The following THSD7B variants were observed in gnomAD, a reference collection of about 807,000 sequenced individuals.
THSD7B encodes thrombospondin type 1 domain containing 7B, also known as thrombospondin type-1 domain-containing protein 7B.
THSD7B carries 138 observed loss-of-function variants against 213.6 expected under a neutral mutation model. That is an observed-to-expected ratio of 0.65 (90% CI 0.56 to 0.74). THSD7B has a LOEUF of 0.74. Ranked by LOEUF, THSD7B falls within the 30% of genes least tolerant of loss-of-function variation. THSD7B has a pLI of 0.00. For synonymous variants in THSD7B, 742 were observed against 687.0 expected (o/e 1.08, Z -1.25); for missense variants, 1,931 against 1,991.5 (o/e 0.97, Z 0.58).
At chr2:137,062,975 C>T (rs1687304828) in intron 3 of THSD7B, among the ~76,000 whole-genome samples, 1 of 151,794 alleles carries the variant, frequency 6.6e-6, no homozygotes, top group African/African-American at 2.4e-5. Context: ...TAGATTTTGA[C>T]ACTCTGTTGT....
At chr2:137,625,619 T>C (rs1682610706) in intron 20 of THSD7B, among the ~76,000 whole-genome samples, 2 of 152,220 alleles carry the variant, frequency 1.3e-5, no homozygotes, top group South Asian at 2.1e-4. Context: ...GTGCAAGAGA[T>C]GGGCTCCCAA....
intron 15 of THSD7B, among the ~76,000 whole-genome samples, chr2:137,476,545 A>G (rs1688196673): frequency 6.6e-6 from 1 of 152,114 alleles, no homozygotes; most frequent in Non-Finnish European, 1.5e-5. Context: ...ATGGATGTCC[A>G]GTTTTCCCAG....
intron 15 of THSD7B, among the ~76,000 whole-genome samples, chr2:137,528,862 C>T (rs1219696333): frequency 1.3e-5 from 2 of 152,088 alleles, no homozygotes; most frequent in East Asian, 3.9e-4. Context: ...AGAGAACACA[C>T]TGATTGGCAT....
chr2:137,559,730 A>G (rs1034717498), intron 15 of THSD7B, among the ~76,000 whole-genome samples: 20 of 152,234 alleles, frequency 1.3e-4, no homozygotes, highest in Non-Finnish European at 2.8e-4. Context: ...TAATTACACT[A>G]AAGAGCTTCT....
At chr2:137,641,279 A>G (rs1051397932) in intron 20 of THSD7B, among the ~76,000 whole-genome samples, 2 of 152,060 alleles carry the variant, frequency 1.3e-5, no homozygotes, top group African/African-American at 4.8e-5. Flanking sequence ...GCACCTCACC[A>G]TCTCTTCACG....
intron 2 of THSD7B, among the ~76,000 whole-genome samples, chr2:137,039,700 C>T (rs1052076563): frequency 9.2e-5 from 14 of 152,194 alleles, no homozygotes; most frequent in Non-Finnish European, 5.9e-5. Context: ...AAACAGTGTC[C>T]TGCTGAAGGT....
Position 137,272,596 on chromosome 2 carries a change from A to G in THSD7B, c.2330A>G (p.Gln777Arg). ...ATCCAAGAAGCAGCCAATGGAGGCC[A>G]GGAATGCCCAGATACCTTATATGAG... ...IIIQEAANGG[Q>R]ECPDTLYEER... Residue 777 changes from glutamine (Q) to arginine (R), a missense_variant, in exon 11 of 28, where the codon CAG becomes CGG. Coordinates refer to ENST00000409968, the MANE Select transcript of THSD7B (RefSeq NM_001316349.2). The G allele has an allele frequency of 6.2e-7, 1 of 1,612,340 alleles. No individual in the cohort carries two copies. The highest frequency in any genetic ancestry group is 1.7e-4 in the Middle Eastern group (1 of 6,052).
intron 1 of THSD7B, among the ~76,000 whole-genome samples, chr2:136,877,688 C>T (rs1201546035): frequency 1.3e-5 from 2 of 152,010 alleles, no homozygotes; most frequent in Non-Finnish European, 1.5e-5. Context: ...AGGAATGCCA[C>T]GAGACTCCAC....
In THSD7B at chr2:137,618,459, C is replaced by T; in HGVS notation, c.3633C>T (p.Ser1211=). The T allele has an allele frequency of 5.0e-6, 8 of 1,613,884 alleles. 1 individual carries two copies. The South Asian group carries it at 6.6e-5, about 13-fold the overall frequency. The change falls in exon 19 of 28, where the codon AGC becomes AGT. Residue 1211 remains serine, a synonymous_variant. Coordinates refer to ENST00000409968, the MANE Select transcript of THSD7B (RefSeq NM_001316349.2). Reference sequence around the variant, plus strand: ...AAGGCGTCAGGACCCGCCTGCTAAGCTGTGTGTGCAGTGATGGCAAGCCAG... The same window carrying T: ...AAGGCGTCAGGACCCGCCTGCTAAGTTGTGTGTGCAGTGATGGCAAGCCAG... The part of the protein sequence containing the change: ...CGQGVRTRLL[S]CVCSDGKPVS...
chr2:137,443,704 G>T (rs1687468554), intron 14 of THSD7B, among the ~76,000 whole-genome samples: 1 of 151,934 alleles, frequency 6.6e-6, no homozygotes, highest in African/African-American at 2.4e-5. Context: ...CTTTTCCTAG[G>T]TGATCTTGAA....
At chr2:137,629,084 C>T (rs1682691469) in intron 20 of THSD7B, among the ~76,000 whole-genome samples, 2 of 152,106 alleles carry the variant, frequency 1.3e-5, no homozygotes, top group South Asian at 4.1e-4. Context: ...GTTATTGGCA[C>T]ACTGAAAGAA....
chr2:137,192,839 G>A (rs777473127), intron 7 of THSD7B, among the ~76,000 whole-genome samples: 39 of 152,216 alleles, frequency 2.6e-4, no homozygotes, highest in Non-Finnish European at 4.1e-4. Context: ...GGAAAACCTG[G>A]AACAAAGGAT....
Position 136,768,609 on chromosome 2 carries a change from C to A in THSD7B, c.-36+2922C>A, listed in dbSNP as rs551586176. Among the ~76,000 whole-genome samples, 13 of 152,170 alleles carry A rather than the reference C, an allele frequency of 8.5e-5. No homozygotes were observed. The East Asian group carries it at 1.4e-3, about 16-fold the overall frequency. ...ATTAAAGAATTCTAAGTAGTGACAA[C>A]TATATTAGTTGATGGGAAAAAAAGA... On this transcript the variant is annotated intron_variant, in intron 1 of 27. Coordinates refer to ENST00000409968, the MANE Select transcript of THSD7B (RefSeq NM_001316349.2).
At chr2:137,433,197 G>A (rs145934326) in intron 14 of THSD7B, among the ~76,000 whole-genome samples, 3 of 152,240 alleles carry the variant, frequency 2.0e-5, no homozygotes, top group African/African-American at 7.2e-5. Flanking sequence ...CATTATTTAA[G>A]TTGGGGAATC....
chr2:137,230,955 G>C lies in THSD7B; in HGVS notation c.1724-89G>C, dbSNP rs188238830. On this transcript the variant is annotated intron_variant, in intron 7 of 27. Transcript: ENST00000409968. ...AATGGCTGAAGAAACTATCATTTTT[G>C]GGGGGGTACTTTAAACTGAAGTAAT... 4 of 1,204,944 alleles carry C rather than the reference G, an allele frequency of 3.3e-6. No homozygotes were observed. The African/African-American group carries it at 4.5e-5, about 14-fold the overall frequency. The allele number at this position is 1,204,944 out of a possible 1,614,324, so 74.6% of individuals were successfully genotyped here. A position where few individuals can be genotyped will look rare whatever the true frequency, so the allele number is the denominator to read the frequency against.
At chr2:137,481,903 C>T (rs909076451) in intron 15 of THSD7B, among the ~76,000 whole-genome samples, 2 of 152,176 alleles carry the variant, frequency 1.3e-5, no homozygotes, top group African/African-American at 2.4e-5. Flanking sequence ...GCCGGCTGGC[C>T]GCAGTGGCTC....
In THSD7B at chr2:137,667,772, A is replaced by C; in HGVS notation, c.4652-2A>C. 6.2e-7 allele frequency: 1 copy of C among 1,600,488 alleles called. No homozygotes were observed. The highest frequency in any genetic ancestry group is 8.5e-7 in the Non-Finnish European group (1 of 1,172,530). The stretch of plus-strand genomic sequence containing the variant: ...TTCTTATGTTATCTCTATTTTAAAC[A>C]GATGGCCGAGTAAAAATTTGGGTTT... On this transcript the variant is annotated splice_acceptor_variant, in intron 26 of 27. Transcript: ENST00000409968. LOFTEE classifies it high-confidence loss of function.
chr2:137,475,568 A>G (rs1322469539), intron 15 of THSD7B, among the ~76,000 whole-genome samples: 8 of 152,194 alleles, frequency 5.3e-5, no homozygotes, highest in Non-Finnish European at 1.2e-4. Context: ...ACATATGAGT[A>G]AGAACATTCA....
intron 10 of THSD7B, among the ~76,000 whole-genome samples, chr2:137,243,653 A>G (rs1170864171): frequency 2.0e-5 from 3 of 152,214 alleles, no homozygotes; most frequent in Non-Finnish European, 4.4e-5. Flanking sequence ...CTATAGCATC[A>G]CTTCGTGAGA....
Sources: gnomAD v4.1 joint callset for allele counts (sites outside exome capture counted in the v4.1 genomes callset) on GRCh38, gnomAD v4.1.1 for gene constraint, MANE v1.5 for transcripts, NCBI Gene and HGNC (gene_info 2026-07-23, HGNC 2026-07-21) for gene names.